CSMD3: variants seen among roughly 807,000 people sequenced by gnomAD.
CSMD3 encodes the protein CUB and Sushi multiple domains 3.
A neutral mutation model predicts 435.2 loss-of-function variants in CSMD3; 177 were observed. The observed-to-expected ratio is 0.41, with a 90% CI of 0.36 to 0.46. The LOEUF (loss-of-function observed/expected upper bound fraction) is 0.46. Among genes scored for constraint, CSMD3 ranks in the 20% least tolerant of loss-of-function variants. CSMD3 has a pLI of 0.34. For missense variants in CSMD3, 4,265 were observed against 4,504.6 expected (o/e 0.95, Z 1.52); for synonymous variants, 1,656 against 1,520.5 (o/e 1.09, Z -2.07).
intron 13 of CSMD3, among the ~76,000 whole-genome samples, chr8:112,763,851 A>T (rs947270642): frequency 6.6e-6 from 1 of 151,212 alleles, no homozygotes; most frequent in African/African-American, 2.4e-5. Context: ...TGAAGCATAG[A>T]TGCTTCTCAA....
chr8:112,805,332 A>G (rs1398389339), intron 12 of CSMD3, among the ~76,000 whole-genome samples: 1 of 152,126 alleles, frequency 6.6e-6, no homozygotes, highest in East Asian at 1.9e-4. Context: ...AAACAAGTCA[A>G]TTCATCACTT....
chr8:113,298,058 T>C (rs1454215262), intron 2 of CSMD3, among the ~76,000 whole-genome samples: 3 of 152,106 alleles, frequency 2.0e-5, no homozygotes, highest in Admixed American at 2.0e-4. Flanking sequence ...CTGTGTGAAC[T>C]TGCACAATGT....
intron 10 of CSMD3, among the ~76,000 whole-genome samples, chr8:112,902,805 T>C (rs1437612916): frequency 2.0e-5 from 3 of 151,294 alleles, no homozygotes; most frequent in Non-Finnish European, 4.4e-5. Flanking sequence ...CATTCAAAAA[T>C]GGGTTGATAG....
chr8:112,948,557 G>A (rs961717786), intron 8 of CSMD3, among the ~76,000 whole-genome samples: 3 of 151,994 alleles, frequency 2.0e-5, no homozygotes, highest in Non-Finnish European at 2.9e-5. Flanking sequence ...TTCAGTGAAT[G>A]TGACCACATT....
intron 16 of CSMD3, among the ~76,000 whole-genome samples, chr8:112,674,945 A>C (rs2131743908): frequency 6.6e-6 from 1 of 152,270 alleles, no homozygotes; most frequent in African/African-American, 2.4e-5. Context: ...TATACGGATT[A>C]GATAGATAAA....
intron 12 of CSMD3, among the ~76,000 whole-genome samples, chr8:112,815,912 G>A (rs192827203): frequency 2.3e-3 from 356 of 152,076 alleles, no homozygotes; most frequent in Admixed American, 3.7e-3. Context: ...GTAATTCTGC[G>A]TTCCAAGAGC....
At chr8:113,408,715 G>A (rs576561572) in intron 1 of CSMD3, among the ~76,000 whole-genome samples, 133 of 151,668 alleles carry the variant, frequency 8.8e-4, no homozygotes, top group Non-Finnish European at 1.7e-3. Flanking sequence ...TGGCGTGCAG[G>A]GGCGAAATCT....
At chr8:112,369,719 G>A (rs1319377869) in intron 38 of CSMD3, among the ~76,000 whole-genome samples, 1 of 151,836 alleles carries the variant, frequency 6.6e-6, no homozygotes, top group East Asian at 1.9e-4. Flanking sequence ...TTGGGAGTTG[G>A]GGTGCAAGGG....
chr8:113,419,846 C>T (rs2094601503), intron 1 of CSMD3, among the ~76,000 whole-genome samples: 1 of 151,918 alleles, frequency 6.6e-6, no homozygotes, highest in Non-Finnish European at 1.5e-5. Context: ...CATCATTTAA[C>T]TATTTATAAC....
At chr8:113,053,711 A>G (rs1362130145) in intron 5 of CSMD3, among the ~76,000 whole-genome samples, 1 of 152,266 alleles carries the variant, frequency 6.6e-6, no homozygotes, top group Admixed American at 6.5e-5. Context: ...TTTACTATAC[A>G]TATTGTAGAA....
At chr8:113,083,649 AAAC>A in intron 5 of CSMD3, among the ~76,000 whole-genome samples, 1 of 152,170 alleles carries the variant, frequency 6.6e-6, no homozygotes, top group Non-Finnish European at 1.5e-5. Context: ...ATAATATACA[AAAC>A]AATAAGAAAA....
chr8:112,333,957 A>C (rs958221632), intron 45 of CSMD3, among the ~76,000 whole-genome samples: 8 of 152,184 alleles, frequency 5.3e-5, no homozygotes, highest in Non-Finnish European at 8.8e-5. Context: ...CCGAATTATG[A>C]TTTTCTATCA....
intron 1 of CSMD3, among the ~76,000 whole-genome samples, chr8:113,397,816 T>C (rs1353103796): frequency 7.5e-6 from 1 of 134,114 alleles, no homozygotes; most frequent in African/African-American, 2.9e-5. Context: ...CGAGAGTCCG[T>C]CTCAAAAATA....
chr8:112,791,323 A>AGG lies in CSMD3; in HGVS notation c.1972+8838_1972+8839insCC, dbSNP rs1563964292. ...GGTGACAGAGGCATATCCTGTGAAA[A>AGG]AAAAAAAAAAAAAAAAAGGAACTAA... On this transcript the variant is annotated intron_variant, in intron 13 of 70. Transcript: ENST00000297405. 4.1e-3 allele frequency among the ~76,000 whole-genome samples: 598 copies of AGG among 145,022 alleles called. 12 individuals are homozygous for AGG. In the East Asian group the frequency reaches 0.071, roughly 17 times the overall value.
chr8:113,096,457 T>A (rs1588066018), intron 5 of CSMD3, among the ~76,000 whole-genome samples: 1 of 152,268 alleles, frequency 6.6e-6, no homozygotes, highest in South Asian at 2.1e-4. Flanking sequence ...TGCTATTTTC[T>A]TATTTCATAA....
chr8:113,346,518 AT>A (rs571510840), intron 1 of CSMD3, among the ~76,000 whole-genome samples: 4 of 152,082 alleles, frequency 2.6e-5, no homozygotes, highest in South Asian at 2.1e-4. Flanking sequence ...AGGAAACTAG[AT>A]TTTTTTTAAA....
At position 112,337,529 on chromosome 8, in the gene CSMD3, A is replaced by T. The variant is rs769247688; in HGVS notation, c.6841+14T>A. On this transcript the variant is annotated intron_variant, in intron 43 of 70. Transcript: ENST00000297405. The stretch of plus-strand genomic sequence containing the variant: ...TGACATCACCTAAAAGATAGCTTCA[A>T]GTTAGAAGCATACCTTCACACCTTG... 1 of 1,607,568 alleles carries T rather than the reference A, an allele frequency of 6.2e-7. No individual in the cohort carries two copies. The highest frequency in any genetic ancestry group is 8.5e-7 in the Non-Finnish European group (1 of 1,174,082).
chr8:113,347,693 C>T lies in CSMD3; in HGVS notation c.179-32900G>A, dbSNP rs571498562. On this transcript the variant is annotated intron_variant, in intron 1 of 70. Transcript: ENST00000297405. Reference sequence around the variant, plus strand: ...CAGCTGTAGGTGTATTTTAGTTTAACGGCAGTGACAGTCCAGCTCCCACCT... The same window carrying T: ...CAGCTGTAGGTGTATTTTAGTTTAATGGCAGTGACAGTCCAGCTCCCACCT... 8.5e-5 allele frequency among the ~76,000 whole-genome samples: 13 copies of T among 152,176 alleles called. No homozygotes were observed. The South Asian group carries it at 1.2e-3, about 15-fold the overall frequency.
At chr8:113,019,930 G>A (rs1322991124) in intron 5 of CSMD3, among the ~76,000 whole-genome samples, 1 of 151,772 alleles carries the variant, frequency 6.6e-6, no homozygotes. Flanking sequence ...TTGGGAGGCC[G>A]AGGCGGGTGG....
Sources: allele counts gnomAD v4.1 joint callset (sites outside exome capture counted in the v4.1 genomes callset), GRCh38; gene constraint gnomAD v4.1.1; transcripts MANE v1.5; gene names NCBI Gene and HGNC (gene_info 2026-07-23, HGNC 2026-07-21).